Variants in MAEA observed in about 807,000 individuals in gnomAD.
The protein encoded by MAEA is E3 ubiquitin-protein transferase MAEA.
MAEA carries 22 observed loss-of-function variants against 46.2 expected under a neutral mutation model. That is an observed-to-expected ratio of 0.48 (90% CI 0.34 to 0.68). The LOEUF (loss-of-function observed/expected upper bound fraction) is 0.68, where lower values mean the gene tolerates loss of function less well. MAEA is among the 30% of genes least tolerant of loss of function. The pLI is 0.01. For missense variants in MAEA, 393 were observed against 558.1 expected, an observed-to-expected ratio of 0.70 and a Z score of 2.98; for synonymous variants, 246 against 222.6, an observed-to-expected ratio of 1.11 and a Z score of -0.94.
chr4:1,327,409 A>C (rs1738984536), intron 4 of MAEA, among the ~76,000 whole-genome samples: 1 of 152,236 alleles, frequency 6.6e-6, no homozygotes, highest in Non-Finnish European at 1.5e-5. Context: ...CTGCAGGAGC[A>C]GGGGGCGGGA....
intron 1 of MAEA, among the ~76,000 whole-genome samples, chr4:1,306,078 A>T (rs1735800077): frequency 6.6e-6 from 1 of 152,176 alleles, no homozygotes. Flanking sequence ...CCCCTCCCCA[A>T]CGGGGAAGGC....
chr4:1,322,652 C>T, intron 4 of MAEA, 149 bp downstream of exon 4: 5 of 993,616 alleles, frequency 5.0e-6, no homozygotes, highest in East Asian at 5.2e-5. Flanking sequence ...TTTTTGGTGG[C>T]TGTGTTACAC....
Position 1,339,225 on chromosome 4 carries a change from A to G in MAEA, c.*56A>G. On this transcript the variant is annotated 3_prime_UTR_variant, in exon 9 of 9. Coordinates refer to ENST00000303400, the MANE Select transcript of MAEA (RefSeq NM_001017405.3). ...ACGGGCTGCAGTGGGCGGGGAGGCC[A>G]CGCCTTCCTCCTGTCCCACGCTCCA... The G allele has an allele frequency of 1.4e-5, 18 of 1,324,152 alleles. No individual in the cohort carries two copies. Among genetic ancestry groups the G allele is most frequent in the Non-Finnish European group, 1.7e-5 (16 of 916,360 alleles). The allele number at this position is 1,324,152 out of a possible 1,614,324, so 82.0% of individuals were successfully genotyped here.
intron 2 of MAEA, among the ~76,000 whole-genome samples, chr4:1,314,320 C>CA (rs570061345): frequency 0.095 from 10,142 of 106,528 alleles, 945 homozygotes; most frequent in African/African-American, 0.28. Flanking sequence ...ACTCTGTCTC[C>CA]AAAAAAAAAA....
intron 5 of MAEA, among the ~76,000 whole-genome samples, chr4:1,328,151 G>A (rs987128865): frequency 3.3e-5 from 5 of 152,370 alleles, no homozygotes; most frequent in East Asian, 3.9e-4. Context: ...TGTTGACAGC[G>A]TGTGATGAGG....
intron 3 of MAEA, among the ~76,000 whole-genome samples, chr4:1,318,834 C>T (rs1016685978): frequency 1.3e-5 from 2 of 152,152 alleles, no homozygotes; most frequent in African/African-American, 2.4e-5. Flanking sequence ...AAATTGGAGA[C>T]GTGACAAACT....
chr4:1,299,274 A>T (rs545546787), intron 1 of MAEA, among the ~76,000 whole-genome samples: 1 of 152,092 alleles, frequency 6.6e-6, no homozygotes, highest in Non-Finnish European at 1.5e-5. Flanking sequence ...CAGCCCCTCC[A>T]TCTCCCTTGG....
chr4:1,293,609 T>C (rs1734331726), intron 1 of MAEA, among the ~76,000 whole-genome samples: 2 of 152,312 alleles, frequency 1.3e-5, no homozygotes, highest in South Asian at 2.1e-4. Context: ...GGCTCCTCTC[T>C]GTGAACCCCA....
chr4:1,310,107 A>G, intron 1 of MAEA: 1 of 806,784 alleles, frequency 1.2e-6, no homozygotes, highest in Non-Finnish European at 1.5e-6. Flanking sequence ...GCGCCTGCAC[A>G]GGCAGAGCAA....
chr4:1,313,301 C>T (rs770187983), intron 2 of MAEA, among the ~76,000 whole-genome samples: 3 of 152,246 alleles, frequency 2.0e-5, no homozygotes, highest in Non-Finnish European at 4.4e-5. Flanking sequence ...ACGTCCAGCA[C>T]AGAGACAGCC....
At chr4:1,315,245 C>T in intron 2 of MAEA, 152 bp from the exon 3 acceptor site, 1 of 679,134 alleles carries the variant, frequency 1.5e-6, no homozygotes, top group Non-Finnish European at 2.5e-6. Flanking sequence ...GCACACCTGC[C>T]TAGCGGACTC....
At chr4:1,303,223 C>T (rs1302472202) in intron 1 of MAEA, among the ~76,000 whole-genome samples, 2 of 55,788 alleles carry the variant, frequency 3.6e-5, no homozygotes, top group Non-Finnish European at 6.7e-5. Flanking sequence ...CCCGTCTCTA[C>T]TAAAAATACA....
intron 6 of MAEA, chr4:1,334,994 G>A (rs550892181): frequency 1.3e-4 from 128 of 985,366 alleles, no homozygotes; most frequent in African/African-American, 9.6e-4. Flanking sequence ...GATGGGTGAC[G>A]TCCCCTGATG....
intron 2 of MAEA, among the ~76,000 whole-genome samples, chr4:1,314,680 T>C (rs1736910859): frequency 6.6e-6 from 1 of 152,220 alleles, no homozygotes; most frequent in Non-Finnish European, 1.5e-5. Context: ...GACATGGGAT[T>C]TTCCCGTGGT....
intron 6 of MAEA, among the ~76,000 whole-genome samples, chr4:1,334,086 GCACCCATCCCATGCC>G (rs1560389523): frequency 0.15 from 1,799 of 12,400 alleles, 663 homozygotes; most frequent in Non-Finnish European, 0.19. Flanking sequence ...GCTCACCCCT[GCACCCATCCCATGCC>G]TACCGTGCTC....
chr4:1,329,202 C>A lies in MAEA; in HGVS notation c.656+1499C>A, dbSNP rs1163884386. ...CCGCATAGGGTCTGTTGACCTGTTACCCCCACTCCGCATAGGGTCTATTTG... is the reference window on the plus strand; with the variant it reads ...CCGCATAGGGTCTGTTGACCTGTTAACCCCACTCCGCATAGGGTCTATTTG... On this transcript the variant is annotated intron_variant, in intron 5 of 8. Transcript: ENST00000303400. 5 of 985,298 alleles carry A rather than the reference C, an allele frequency of 5.1e-6. No individual in the cohort carries two copies. The East Asian group carries it at 4.5e-4, about 89-fold the overall frequency. The allele number at this position is 985,298 out of a possible 1,614,324, so 61.0% of individuals were successfully genotyped here.
chr4:1,289,950 A>T lies in MAEA; in HGVS notation c.37A>T (p.Thr13Ser), dbSNP rs1185006660. Reference protein sequence around the residue: ...VQESAAQLSMTLKVQEYPTLK... With the variant: ...VQESAAQLSMSLKVQEYPTLK... ...GGAGTCGGCGGCTCAGTTGTCCATG[A>T]CCCTGAAGGTCCAGGAGTACCCGAC... Residue 13 changes from threonine to serine, a missense_variant, in exon 1 of 9, where the codon ACC becomes TCC. Physicochemically the swap from Thr to Ser is moderately conservative, Grantham distance 58. Around this residue, in one of 2 missense-constraint regions of MAEA, gnomAD observed 35 missense variants for 20.1 expected, o/e 1.74. Coordinates refer to ENST00000303400, the MANE Select transcript of MAEA (RefSeq NM_001017405.3). 3 of 1,601,240 alleles carry T rather than the reference A, an allele frequency of 1.9e-6. No homozygotes were observed. The East Asian group carries it at 6.8e-5, about 36-fold the overall frequency.
chr4:1,312,423 A>ATTTGTTTTTTTTT (rs1736627619), intron 2 of MAEA: 1 of 161,780 alleles, frequency 6.2e-6, no homozygotes, highest in African/African-American at 4.9e-5. Flanking sequence ...AGGTTGATTG[A>ATTTGTTTTTTTTT]TTTTTTTTTT....
chr4:1,299,351 C>A (rs1294207267), intron 1 of MAEA, among the ~76,000 whole-genome samples: 2 of 152,210 alleles, frequency 1.3e-5, no homozygotes, highest in Non-Finnish European at 1.5e-5. Context: ...GCCCGTCTGC[C>A]CCTCCACCCT....
Sources: gnomAD v4.1 joint callset for allele counts (sites outside exome capture counted in the v4.1 genomes callset) on GRCh38, gnomAD v4.1.1 for gene constraint, gnomAD v4.1.1 regional missense constraint, MANE v1.5 for transcripts, NCBI Gene and HGNC (gene_info 2026-07-23, HGNC 2026-07-21) for gene names.